The following ARID1B variants were observed in gnomAD, a reference collection of about 807,000 sequenced individuals.
The protein encoded by ARID1B is AT-rich interaction domain 1B.
Under a neutral mutation model 212.3 loss-of-function variants are expected in ARID1B, and 30 were observed. That is an observed-to-expected ratio of 0.14 (90% CI 0.11 to 0.19). ARID1B has a LOEUF of 0.19. Ranked by LOEUF, ARID1B falls within the 10% of genes least tolerant of loss-of-function variation. The pLI, the probability that ARID1B is intolerant of heterozygous loss-of-function variation, is 1.00. For missense variants in ARID1B, 2,891 were observed against 3,204.0 expected (o/e 0.90, Z 2.36); for synonymous variants, 1,402 against 1,301.7 (o/e 1.08, Z -1.66).
chr6:156,938,296 T>C (rs997662712), intron 4 of ARID1B: 13 of 152,220 alleles, frequency 8.5e-5, no homozygotes, highest in Non-Finnish European at 1.3e-4. Flanking sequence ...TTTACAATGT[T>C]ACTTTTATTA....
chr6:156,795,940 G>C (rs184694105), intron 1 of ARID1B, among the ~76,000 whole-genome samples: 10 of 152,112 alleles, frequency 6.6e-5, no homozygotes, highest in Non-Finnish European at 1.5e-4. Context: ...TAAATTTCAC[G>C]TAAGCGGTCC....
intron 4 of ARID1B, among the ~76,000 whole-genome samples, chr6:156,951,402 G>T (rs902786164): frequency 2.0e-5 from 3 of 152,056 alleles, no homozygotes; most frequent in Non-Finnish European, 4.4e-5. Context: ...GAAAAATTGG[G>T]ATTACCTAAT....
intron 1 of ARID1B, among the ~76,000 whole-genome samples, chr6:156,824,380 T>C (rs940338286): frequency 6.6e-6 from 1 of 152,224 alleles, no homozygotes; most frequent in Non-Finnish European, 1.5e-5. Flanking sequence ...GAGAAGTTGT[T>C]GAGGGCTGTT....
rs1790017748 is a variant in ARID1B at position 157,149,138 on chromosome 6, T to C, written c.3089+187T>C. 3 of 625,428 alleles carry C rather than the reference T, an allele frequency of 4.8e-6. No homozygotes were observed. The South Asian group carries it at 6.0e-5, about 13-fold the overall frequency. The allele number at this position is 625,428 out of a possible 1,614,324, so 38.7% of individuals were successfully genotyped here. ...GGTCAGAGAACTAAGTGACAAACCA[T>C]GTTTTATGATACATGAGGAAGGAAT... On this transcript the variant is annotated intron_variant, in intron 8 of 19. Transcript: ENST00000636930.
chr6:157,184,500 G>T (rs2128326585), intron 13 of ARID1B, 65 bp downstream of exon 13: 1 of 1,589,054 alleles, frequency 6.3e-7, no homozygotes, highest in Non-Finnish European at 8.6e-7. Flanking sequence ...GAGGTTCCGG[G>T]AAGGTGGTTT....
chr6:157,027,200 T>C (rs1339999982), intron 4 of ARID1B, among the ~76,000 whole-genome samples: 3 of 152,216 alleles, frequency 2.0e-5, no homozygotes, highest in Non-Finnish European at 4.4e-5. Flanking sequence ...ATTAAATAGA[T>C]TCTTCAAAAT....
In ARID1B at chr6:157,210,465, A is replaced by G. The variant is rs1445307014; in HGVS notation, c.*2574A>G. 4.3e-6 allele frequency: 1 copy of G among 232,024 alleles called. No individual in the cohort carries two copies. The highest frequency in any genetic ancestry group is 8.5e-6 in the Non-Finnish European group (1 of 117,402). 14.4% of individuals were successfully genotyped at this position (232,024 alleles called of 1,614,324 possible). ...ACGCAGAGTCTGACCGTTGGGCAAC[A>G]AGTTTTTCTATCCTGATGCGCAACA... On this transcript the variant is annotated 3_prime_UTR_variant, in exon 20 of 20. Coordinates refer to ENST00000636930, the MANE Select transcript of ARID1B (RefSeq NM_001374828.1).
chr6:156,786,022 GA>G (rs1779607737), intron 1 of ARID1B, among the ~76,000 whole-genome samples: 1 of 152,198 alleles, frequency 6.6e-6, no homozygotes, highest in South Asian at 2.1e-4. Flanking sequence ...TTTAAAGGTT[GA>G]GGGTATTTGT....
Position 157,121,631 on chromosome 6 carries a change from T to TTC in ARID1B, c.2581+11071_2581+11072insCT, listed in dbSNP as rs1402841445. Among the ~76,000 whole-genome samples the TTC allele has an allele frequency of 2.0e-3, 284 of 141,898 alleles. 3 individuals are homozygous for TTC. Among genetic ancestry groups the TTC allele is most frequent in the African/African-American group, 7.2e-3 (273 of 37,834 alleles). 93.1% of individuals were successfully genotyped at this position (141,898 alleles called of 152,430 possible). On this transcript the variant is annotated intron_variant, in intron 6 of 19. Transcript: ENST00000636930. ...ACAAATAAGAGAATCATATATAGCT[T>TTC]TTTTTTTTTTTTTTTTGCTGAGACG...
Position 157,181,085 on chromosome 6 carries a change from C to G in ARID1B, c.3621C>G (p.Gly1207=), listed in dbSNP as rs765371275. The G allele has an allele frequency of 6.2e-6, 10 of 1,614,080 alleles. No individual in the cohort carries two copies. The South Asian group carries it at 1.1e-4, about 18-fold the overall frequency. Residue 1207 remains glycine, a synonymous_variant, in exon 12 of 20, where the codon GGC becomes GGG. Transcript: ENST00000636930. ...DRYLTFMEER[G]SPVSSLPAVG... is the part of the protein sequence containing the mutation. Reference sequence around the variant, plus strand: ...ACCTCACCTTCATGGAAGAGAGAGGCTCTCCTGTCTCAAGTCTGCCTGCCG... The same window carrying G: ...ACCTCACCTTCATGGAAGAGAGAGGGTCTCCTGTCTCAAGTCTGCCTGCCG...
intron 3 of ARID1B, among the ~76,000 whole-genome samples, chr6:156,916,863 C>A (rs1790398518): frequency 6.6e-6 from 1 of 152,196 alleles, no homozygotes. Flanking sequence ...CACCCATCGT[C>A]TCCTGGCAGA....
rs1333892657 is a variant in ARID1B at position 157,201,225 on chromosome 6, C to T, written c.5000C>T (p.Pro1667Leu). Residue 1667 changes from proline to leucine, a missense_variant, in exon 18 of 20, where the codon CCG becomes CTG. Transcript: ENST00000636930. This position sits in a 1 kb window ranked among gnomAD's most constrained non-coding sequence, Gnocchi z 5.2. ...RPPQPSYQTP[P>L]SLPNHISRAP... ...CCACAGCCGTCCTACCAGACGCCACCGTCACTGCCAAATCACATCTCCAGG... is the reference window on the plus strand; with the variant it reads ...CCACAGCCGTCCTACCAGACGCCACTGTCACTGCCAAATCACATCTCCAGG... The T allele has an allele frequency of 1.2e-5, 20 of 1,613,714 alleles. No individual in the cohort carries two copies. Among genetic ancestry groups the T allele is most frequent in the Non-Finnish European group, 1.7e-5 (20 of 1,179,840 alleles).
At chr6:157,032,163 A>T (rs1781057972) in intron 4 of ARID1B, among the ~76,000 whole-genome samples, 1 of 152,246 alleles carries the variant, frequency 6.6e-6, no homozygotes, top group African/African-American at 2.4e-5. Context: ...AAACTCTAGA[A>T]GCTTGGGGAA....
At chr6:157,143,230 G>A (rs1177535572) in intron 7 of ARID1B, among the ~76,000 whole-genome samples, 1 of 152,186 alleles carries the variant, frequency 6.6e-6, no homozygotes, top group Admixed American at 6.5e-5. Flanking sequence ...GCTGAGGTGG[G>A]CTGGCCCAGC....
intron 2 of ARID1B, among the ~76,000 whole-genome samples, chr6:156,841,730 G>A (rs1209702619): frequency 6.6e-6 from 1 of 152,048 alleles, no homozygotes; most frequent in East Asian, 1.9e-4. Context: ...GTTTTATATG[G>A]ATTAACTCAC....
intron 7 of ARID1B, among the ~76,000 whole-genome samples, chr6:157,138,379 A>G (rs376910087): frequency 6.6e-6 from 1 of 152,104 alleles, no homozygotes; most frequent in African/African-American, 2.4e-5. Context: ...GGGACCACAG[A>G]CATGCACCCC....
chr6:156,887,227 C>A (rs1056168750), intron 2 of ARID1B, among the ~76,000 whole-genome samples: 2 of 152,148 alleles, frequency 1.3e-5, no homozygotes, highest in African/African-American at 4.8e-5. Context: ...AGCCTCCTCT[C>A]GGGAGAGCAG....
Position 156,779,308 on chromosome 6 carries a change from C to CG in ARID1B, c.1633dup (p.Ala545GlyfsTer73). 9.0e-7 allele frequency: 1 copy of CG among 1,117,306 alleles called. No homozygotes were observed. The allele number at this position is 1,117,306 out of a possible 1,614,324, so 69.2% of individuals were successfully genotyped here. ...CAGCCCCAGTCCCAGGCGGCGGCGG[C>CG]GGGGGCGGCGGCGGGCGGCCAGCAG... On this transcript the variant is annotated frameshift_variant, in exon 1 of 20. Transcript: ENST00000636930. LOFTEE classifies it high-confidence loss of function.
intron 7 of ARID1B, among the ~76,000 whole-genome samples, chr6:157,142,068 C>T (rs370389944): frequency 7.2e-5 from 11 of 152,230 alleles, no homozygotes; most frequent in South Asian, 4.2e-4. Flanking sequence ...ATGCATGCAA[C>T]GGTGTGGATG....
Sources: allele counts gnomAD v4.1 joint callset (sites outside exome capture counted in the v4.1 genomes callset), GRCh38; gene constraint gnomAD v4.1.1; non-coding constraint Gnocchi (gnomAD v3.1); transcripts MANE v1.5; gene names NCBI Gene and HGNC (gene_info 2026-07-23, HGNC 2026-07-21).